MYO19: variants seen among roughly 807,000 people sequenced by gnomAD.
MYO19 encodes the protein myosin XIX, also known as unconventional myosin-XIX.
In MYO19, 132 loss-of-function variants were observed where a neutral mutation model predicts 129.2. The observed-to-expected ratio is 1.02, with a 90% CI of 0.89 to 1.18. The LOEUF (loss-of-function observed/expected upper bound fraction) is 1.18, where lower values mean the gene tolerates loss of function less well. MYO19 is among the 50% of genes most tolerant of loss of function. The pLI is 0.00. For missense variants in MYO19, 1,210 were observed against 1,216.7 expected, an observed-to-expected ratio of 0.99 and a Z score of 0.08; for synonymous variants, 531 against 477.2, an observed-to-expected ratio of 1.11 and a Z score of -1.47.
chr17:36,518,489 GAAAAAAAAAAAAAAAAAAAAAA>G (rs1165317347), intron 6 of MYO19, among the ~76,000 whole-genome samples: 736 of 23,988 alleles, frequency 0.031, 16 homozygotes, highest in South Asian at 0.12. Context: ...GATCTCAGAG[GAAAAAAAAAAAAAAAAAAAAAA>G]AAAAAAAAAA....
intron 3 of MYO19, 150 bp downstream of exon 3, chr17:36,532,377 G>T: frequency 1.1e-6 from 1 of 912,906 alleles, no homozygotes; most frequent in Non-Finnish European, 1.7e-6. Context: ...ATCAGGAAGA[G>T]TTTCTTGATG....
At chr17:36,524,958 C>T (rs535973484) in intron 6 of MYO19, among the ~76,000 whole-genome samples, 7 of 152,270 alleles carry the variant, frequency 4.6e-5, no homozygotes, top group Admixed American at 2.6e-4. Context: ...GAGACACTTT[C>T]GATGAGAAAA....
chr17:36,512,024 C>T (rs1201582317), intron 11 of MYO19, among the ~76,000 whole-genome samples: 5 of 152,122 alleles, frequency 3.3e-5, no homozygotes, highest in Non-Finnish European at 2.9e-5. Context: ...GACAGAAGCT[C>T]CCCTCACCCC....
At position 36,503,158 on chromosome 17, in the gene MYO19, T is replaced by C; in HGVS notation, c.2019A>G (p.Arg673=). The C allele has an allele frequency of 6.2e-7, 1 of 1,614,024 alleles. No individual in the cohort carries two copies. The highest frequency in any genetic ancestry group is 1.1e-5 in the South Asian group (1 of 91,086). ...CAGAGGATGTGCAAGGATGAAGCCT[T>C]CTTAGTAACTTGTATCGTTCTACAA... ...RNFVERYKLL[R]RLHPCTSSGP... Residue 673 remains arginine (R), a synonymous_variant, in exon 21 of 26, where the codon AGA becomes AGG. Transcript: ENST00000614623.
intron 3 of MYO19, among the ~76,000 whole-genome samples, chr17:36,530,302 C>A (rs1210829757): frequency 6.6e-6 from 1 of 152,108 alleles, no homozygotes; most frequent in African/African-American, 2.4e-5. Flanking sequence ...GAGACCCTGT[C>A]TCTAAATAAT....
At chr17:36,524,428 TAA>T (rs1297546298) in intron 6 of MYO19, among the ~76,000 whole-genome samples, 1 of 152,134 alleles carries the variant, frequency 6.6e-6, no homozygotes, top group African/African-American at 2.4e-5. Flanking sequence ...CTCATGAAGG[TAA>T]AAGTGTTGTG....
intron 6 of MYO19, among the ~76,000 whole-genome samples, chr17:36,521,616 C>T (rs1223813790): frequency 6.6e-6 from 1 of 152,078 alleles, no homozygotes; most frequent in Non-Finnish European, 1.5e-5. Context: ...ACACAAAGTA[C>T]CCAGCATAAT....
Position 36,495,864 on chromosome 17 carries a change from C to T in MYO19, c.*387G>A. On this transcript the variant is annotated 3_prime_UTR_variant, in exon 26 of 26. Coordinates refer to ENST00000614623, the MANE Select transcript of MYO19 (RefSeq NM_001163735.2). The stretch of plus-strand genomic sequence containing the variant: ...AAGGAAATAACCACAAGATTTTTCC[C>T]AGCCCAAATTCCAGCGCCAATTTTA... The T allele has an allele frequency of 3.2e-6, 4 of 1,239,046 alleles. No individual in the cohort carries two copies. The highest frequency in any genetic ancestry group is 4.0e-5 in the Admixed American group (1 of 25,172). 76.8% of individuals were successfully genotyped at this position (1,239,046 alleles called of 1,614,324 possible). A position where few individuals can be genotyped will look rare whatever the true frequency, so the allele number is the denominator to read the frequency against.
chr17:36,501,025 A>G (rs777670550), intron 22 of MYO19, 44 bp downstream of exon 22: 2 of 1,603,276 alleles, frequency 1.2e-6, no homozygotes, highest in Admixed American at 3.3e-5. Context: ...TGAGGAGAGC[A>G]CACAGCTTGC....
intron 19 of MYO19, chr17:36,504,291 G>A (rs973119970): frequency 4.5e-5 from 20 of 448,940 alleles, no homozygotes; most frequent in Middle Eastern, 5.8e-4. Context: ...TCCTGGCTCC[G>A]TCTCACCCTG....
At position 36,509,100 on chromosome 17, in the gene MYO19, C is replaced by T; in HGVS notation, c.1193G>A (p.Ser398Asn). 6.2e-7 allele frequency: 1 copy of T among 1,613,892 alleles called. No homozygotes were observed. Among genetic ancestry groups the T allele is most frequent in the Non-Finnish European group, 8.5e-7 (1 of 1,179,836 alleles). ...FDWLVSVINS[S>N]ICADTDSWTT... ...CCACGAGTCGGTGTCTGCACAGATG[C>T]TGCTGTTGATCACTGATACCAGCCA... Residue 398 changes from serine (S) to asparagine (N), a missense_variant, in exon 14 of 26, where the codon AGC (serine) becomes AAC (asparagine). Transcript: ENST00000614623.
upstream of MYO19, among the ~76,000 whole-genome samples, chr17:36,544,602 C>A (rs762664225): frequency 6.6e-6 from 1 of 152,230 alleles, no homozygotes; most frequent in African/African-American, 2.4e-5. Flanking sequence ...TTCCCCTCTA[C>A]ATAGACGACA....
intron 23 of MYO19, chr17:36,499,664 C>CTTTTTTCTTTTTTTTTTTT (rs2071346235): frequency 4.8e-5 from 3 of 62,638 alleles, no homozygotes; most frequent in African/African-American, 1.4e-4. Context: ...CTTTTTGTTT[C>CTTTTTTCTTTTTTTTTTTT]TTTTTTTTTT....
intron 15 of MYO19, 141 bp downstream of exon 15, chr17:36,507,662 G>A: frequency 2.4e-6 from 3 of 1,242,522 alleles, no homozygotes; most frequent in South Asian, 3.0e-5. Flanking sequence ...TACTCCATAT[G>A]TGCAATTATT....
chr17:36,512,214 C>CACACAT (rs2072388805), intron 11 of MYO19, among the ~76,000 whole-genome samples: 1 of 150,414 alleles, frequency 6.6e-6, no homozygotes, highest in East Asian at 1.9e-4. Flanking sequence ...CACACACACA[C>CACACAT]ACACACACAC....
intron 6 of MYO19, among the ~76,000 whole-genome samples, chr17:36,520,630 T>TA (rs1324471103): frequency 6.6e-6 from 1 of 152,214 alleles, no homozygotes; most frequent in Non-Finnish European, 1.5e-5. Context: ...TTCCTCAGCC[T>TA]ACTCAAAGTG....
chr17:36,542,689 A>T (rs1467416650), intron 1 of MYO19, among the ~76,000 whole-genome samples: 2 of 140,618 alleles, frequency 1.4e-5, no homozygotes, highest in Non-Finnish European at 3.2e-5. Flanking sequence ...ACAGAGTGAG[A>T]CTCCGTCTCA....
upstream of MYO19, chr17:36,537,970 A>C (rs756625700): frequency 5.6e-6 from 9 of 1,614,046 alleles, no homozygotes; most frequent in Non-Finnish European, 7.6e-6. Context: ...TATGGCACTG[A>C]TGGTAGTGGC....
intron 9 of MYO19, 64 bp downstream of exon 9, chr17:36,514,382 G>A (rs911632815): frequency 9.3e-7 from 1 of 1,078,496 alleles, no homozygotes; most frequent in Non-Finnish European, 1.4e-6. Flanking sequence ...GGAGTGGGGG[G>A]TTGAAAAACA....
Sources: allele counts gnomAD v4.1 joint callset (sites outside exome capture counted in the v4.1 genomes callset), GRCh38; gene constraint gnomAD v4.1.1; transcripts MANE v1.5; gene names NCBI Gene and HGNC (gene_info 2026-07-23, HGNC 2026-07-21).